INSL6: variants seen among roughly 807,000 people sequenced by gnomAD.
The protein encoded by INSL6 is insulin like 6.
In INSL6, 16 loss-of-function variants were observed where a neutral mutation model predicts 9.4. That is an observed-to-expected ratio of 1.70 (90% CI 1.15 to 2.59). The LOEUF (loss-of-function observed/expected upper bound fraction) is 2.59. Among genes scored for constraint, INSL6 ranks in the 30% most tolerant of loss-of-function variants. INSL6 has a pLI of 0.00. For synonymous variants in INSL6, 154 were observed against 96.9 expected (o/e 1.59, Z -3.46); for missense variants, 391 against 257.3 (o/e 1.52, Z -3.56).
chr9:4,999,708 C>G, the INSL6 span, among the ~76,000 whole-genome samples: 3 of 152,172 alleles, frequency 2.0e-5, no homozygotes, highest in Non-Finnish European at 2.9e-5. Context: ...CTTGGCCTCC[C>G]AAAGTGCTAG....
At chr9:5,183,100 T>C (rs913775289) in intron 1 of INSL6, among the ~76,000 whole-genome samples, 1 of 152,212 alleles carries the variant, frequency 6.6e-6, no homozygotes, top group Non-Finnish European at 1.5e-5. Flanking sequence ...GCCATATTCA[T>C]ATATAAAAAT....
chr9:5,156,989 C>A (rs929854334), intron 2 of INSL6, among the ~76,000 whole-genome samples: 2 of 152,050 alleles, frequency 1.3e-5, no homozygotes, highest in African/African-American at 2.4e-5. Flanking sequence ...TGCACTCCAG[C>A]CTGGGTGACA....
At chr9:5,084,837 T>TA in the INSL6 span, among the ~76,000 whole-genome samples, 114 of 152,172 alleles carry the variant, frequency 7.5e-4, 1 homozygote, top group Admixed American at 1.6e-3. Context: ...TTAAAAAGTT[T>TA]TCTGAAAAAA....
the INSL6 span, among the ~76,000 whole-genome samples, chr9:5,018,827 A>G: frequency 6.6e-6 from 1 of 152,128 alleles, no homozygotes; most frequent in African/African-American, 2.4e-5. Context: ...CACTTTTCAT[A>G]TATCGTTCCA....
At chr9:5,154,810 A>C (rs1401240223) in intron 2 of INSL6, among the ~76,000 whole-genome samples, 1 of 152,208 alleles carries the variant, frequency 6.6e-6, no homozygotes, top group Non-Finnish European at 1.5e-5. Flanking sequence ...GCAATCATTC[A>C]AAAGTCAGGA....
chr9:5,066,941 A>G, the INSL6 span: 5 of 380,326 alleles, frequency 1.3e-5, no homozygotes, highest in African/African-American at 2.1e-5. Flanking sequence ...GAGATTCTGT[A>G]CAAATAAACA....
chr9:5,130,950 C>T (rs573632914), intron 3 of INSL6, among the ~76,000 whole-genome samples: 1 of 151,272 alleles, frequency 6.6e-6, no homozygotes, highest in South Asian at 2.1e-4. Context: ...AGGATGGTCT[C>T]GATCTCCTGA....
chr9:5,146,642 G>A lies in INSL6; in HGVS notation c.377-13050C>T, dbSNP rs557823539. On this transcript the variant is annotated intron_variant, in intron 2 of 3. Coordinates refer to the INSL6 transcript ENST00000649639. ...GGCTTGCTGACTCTGTGCCCACCAA[G>A]GCTCCATCTGCAACGGCAGTCAACA... Among the ~76,000 whole-genome samples the A allele has an allele frequency of 1.2e-4, 19 of 152,356 alleles. 1 individual carries two copies. The highest frequency in any genetic ancestry group is 4.3e-4 in the African/African-American group (18 of 41,586).
the INSL6 span, chr9:5,050,625 T>A: frequency 6.8e-7 from 1 of 1,460,934 alleles, no homozygotes; most frequent in Non-Finnish European, 9.5e-7. Context: ...AATATAATCA[T>A]AGATTAAAAC....
chr9:5,110,152 A>C, the INSL6 span: 2 of 152,188 alleles, frequency 1.3e-5, no homozygotes, highest in African/African-American at 4.8e-5. Flanking sequence ...TTCGGCCTCC[A>C]TCCCTGACTT....
the INSL6 span, among the ~76,000 whole-genome samples, chr9:4,998,876 G>C: frequency 6.6e-6 from 1 of 152,028 alleles, no homozygotes; most frequent in Admixed American, 6.5e-5. Flanking sequence ...TGTCACCCAG[G>C]CTGTAGTGCA....
chr9:5,036,607 G>C, the INSL6 span, among the ~76,000 whole-genome samples: 2 of 152,134 alleles, frequency 1.3e-5, no homozygotes, highest in Non-Finnish European at 2.9e-5. Flanking sequence ...AACAAGAAAT[G>C]GGGAAAGGAT....
chr9:5,029,918 A>G, the INSL6 span: 1 of 1,571,822 alleles, frequency 6.4e-7, no homozygotes, highest in Non-Finnish European at 8.6e-7. Context: ...TACTTTCTTC[A>G]GTAAAGTAAC....
the INSL6 span, chr9:5,097,058 T>G: frequency 6.6e-6 from 1 of 152,162 alleles, no homozygotes; most frequent in Non-Finnish European, 1.5e-5. Flanking sequence ...TATCCCCCTT[T>G]AGCTGAAAAC....
intron 1 of INSL6, among the ~76,000 whole-genome samples, chr9:5,183,540 T>G (rs1270883618): frequency 6.6e-6 from 1 of 152,206 alleles, no homozygotes; most frequent in African/African-American, 2.4e-5. Flanking sequence ...GTTGAACATT[T>G]TTATTAAGAA....
At chr9:5,035,205 G>C in the INSL6 span, among the ~76,000 whole-genome samples, 3,072 of 152,250 alleles carry the variant, frequency 0.02, 60 homozygotes, top group Non-Finnish European at 0.035. Context: ...TCTCTGCATA[G>C]ACCAATAACA....
chr9:5,069,517 T>C, the INSL6 span, among the ~76,000 whole-genome samples: 9 of 152,160 alleles, frequency 5.9e-5, no homozygotes, highest in Admixed American at 5.9e-4. Context: ...AATTTTCATA[T>C]ACTTCGAGGA....
At chr9:5,158,995 C>G (rs1430376545), downstream of INSL6, among the ~76,000 whole-genome samples, 1 of 151,918 alleles carries the variant, frequency 6.6e-6, no homozygotes, top group African/African-American at 2.4e-5. Flanking sequence ...AATGAGGAGA[C>G]AAAGTTAAAG....
At chr9:5,101,692 C>A in the INSL6 span, among the ~76,000 whole-genome samples, 5 of 152,206 alleles carry the variant, frequency 3.3e-5, no homozygotes, top group South Asian at 1.0e-3. Flanking sequence ...AAGGATCAGG[C>A]AGCAACATTG....
Sources: gnomAD v4.1 joint callset for allele counts (sites outside exome capture counted in the v4.1 genomes callset) on GRCh38, gnomAD v4.1.1 for gene constraint, MANE v1.5 for transcripts, NCBI Gene and HGNC (gene_info 2026-07-23, HGNC 2026-07-21) for gene names.